Variants in ATP10B observed in about 807,000 individuals in gnomAD.
ATP10B encodes phospholipid-transporting ATPase VB.
In ATP10B, 122 loss-of-function variants were observed where a neutral mutation model predicts 141.2. That is an observed-to-expected ratio of 0.86 (90% CI 0.75 to 1.00). ATP10B has a LOEUF of 1.00. ATP10B is among the 50% of genes least tolerant of loss of function. ATP10B has a pLI of 0.00. For missense variants in ATP10B, 1,876 were observed against 1,825.3 expected, an observed-to-expected ratio of 1.03 and a Z score of -0.51; for synonymous variants, 685 against 692.0, an observed-to-expected ratio of 0.99 and a Z score of 0.16.
chr5:160,880,333 G>A, the ATP10B span, among the ~76,000 whole-genome samples: 2 of 150,770 alleles, frequency 1.3e-5, no homozygotes, highest in Non-Finnish European at 3.0e-5. Flanking sequence ...GATATTTCAT[G>A]GGTAGGAAAA....
chr5:160,827,613 C>CA (rs541893536), intron 1 of ATP10B, among the ~76,000 whole-genome samples: 1 of 151,984 alleles, frequency 6.6e-6, no homozygotes, highest in Non-Finnish European at 1.5e-5. Flanking sequence ...TGGTTTGTTG[C>CA]AATGGCTTTT....
chr5:160,652,914 T>TATATATAATATATTATATATACATGG (rs1491231773), intron 7 of ATP10B, among the ~76,000 whole-genome samples: 3 of 67,430 alleles, frequency 4.4e-5, no homozygotes, highest in Non-Finnish European at 7.1e-5. Context: ...TATATACATG[T>TATATATAATATATTATATATACATGG]ATATATAATA....
the ATP10B span, among the ~76,000 whole-genome samples, chr5:160,864,589 G>GA: frequency 9.3e-4 from 137 of 146,608 alleles, no homozygotes; most frequent in Middle Eastern, 6.9e-3. Flanking sequence ...TCAGACAAGA[G>GA]AAAAAAAAAA....
chr5:160,859,724 C>A, the ATP10B span, among the ~76,000 whole-genome samples: 1 of 151,852 alleles, frequency 6.6e-6, no homozygotes, highest in South Asian at 2.1e-4. Flanking sequence ...GTTTGTATAT[C>A]CAACACTGGT....
chr5:160,649,137 T>C (rs1353270117), intron 8 of ATP10B, 34 bp downstream of exon 8: 4 of 1,442,800 alleles, frequency 2.8e-6, no homozygotes, highest in Non-Finnish European at 3.9e-6. Context: ...GCAGCGGAGA[T>C]ATTTACTAGC....
At chr5:160,655,632 G>C (rs1761440688) in intron 7 of ATP10B, among the ~76,000 whole-genome samples, 1 of 152,122 alleles carries the variant, frequency 6.6e-6, no homozygotes, top group Non-Finnish European at 1.5e-5. Flanking sequence ...AAAAGCCCCA[G>C]GTACAGTCTT....
At chr5:160,571,355 T>C (rs1048026364) in intron 24 of ATP10B, among the ~76,000 whole-genome samples, 7 of 152,214 alleles carry the variant, frequency 4.6e-5, no homozygotes, top group Admixed American at 3.9e-4. Context: ...TTGAAACTTA[T>C]AGTTATTGTA....
At position 160,622,294 on chromosome 5, in the gene ATP10B, T is replaced by C. The variant is rs541199980; in HGVS notation, c.1812+100A>G. 2.3e-5 allele frequency: 29 copies of C among 1,275,376 alleles called. No individual in the cohort carries two copies. In the East Asian group the frequency reaches 7.1e-4, roughly 31 times the overall value. 79.0% of individuals were successfully genotyped at this position (1,275,376 alleles called of 1,614,324 possible). On this transcript the variant is annotated intron_variant, in intron 14 of 25. Coordinates refer to ENST00000327245, the MANE Select transcript of ATP10B (RefSeq NM_025153.3). ...AATGACACTGTTGCTAGGACCCAAA[T>C]TTCATGTCTCCCTGATCAGAACTTC...
At chr5:160,667,234 A>C (rs1194545601) in intron 7 of ATP10B, among the ~76,000 whole-genome samples, 2 of 151,860 alleles carry the variant, frequency 1.3e-5, no homozygotes, top group African/African-American at 4.8e-5. Flanking sequence ...AAAACAAAAA[A>C]CAAAACAAAA....
rs923061185 is a variant in ATP10B, at chr5:160,620,512, G to A, written c.2251C>T (p.Pro751Ser). Residue 751 changes from proline to serine, a missense_variant, in exon 15 of 26, where the codon CCC (proline) becomes TCC (serine). Coordinates refer to ENST00000327245, the MANE Select transcript of ATP10B (RefSeq NM_025153.3). Reference sequence around the variant, plus strand: ...CTGAAGGTGAGGCAGGTGCCCTGGGGCAGGCGCACAGTCACCTGCTCAGGT... The same window carrying A: ...CTGAAGGTGAGGCAGGTGCCCTGGGACAGGCGCACAGTCACCTGCTCAGGT... ...RTPEQVTVRL[P>S]QGTCLTFSLL... The A allele has an allele frequency of 7.4e-6, 12 of 1,614,196 alleles. No homozygotes were observed. In the East Asian group the frequency reaches 1.1e-4, roughly 15 times the overall value.
chr5:160,837,934 C>T (rs1158254725), intron 1 of ATP10B, among the ~76,000 whole-genome samples: 1 of 152,094 alleles, frequency 6.6e-6, no homozygotes, highest in Non-Finnish European at 1.5e-5. Flanking sequence ...GAAGCAAATT[C>T]TTTGACATCA....
chr5:160,678,582 G>A (rs947638482), intron 6 of ATP10B, among the ~76,000 whole-genome samples: 7 of 152,238 alleles, frequency 4.6e-5, no homozygotes, highest in Non-Finnish European at 8.8e-5. Flanking sequence ...TCCCCAGCCC[G>A]GGAGGCAGAG....
intron 1 of ATP10B, among the ~76,000 whole-genome samples, chr5:160,805,190 A>G (rs1019242660): frequency 1.3e-5 from 2 of 152,228 alleles, no homozygotes; most frequent in African/African-American, 4.8e-5. Flanking sequence ...AAGACTATAT[A>G]TCATTGTTTA....
At chr5:160,703,354 T>G (rs1293055598) in intron 3 of ATP10B, among the ~76,000 whole-genome samples, 1 of 152,236 alleles carries the variant, frequency 6.6e-6, no homozygotes, top group African/African-American at 2.4e-5. Flanking sequence ...TGCAATAGCA[T>G]TATGTCTAAA....
intron 2 of ATP10B, among the ~76,000 whole-genome samples, chr5:160,736,800 C>T (rs1190464100): frequency 6.6e-6 from 1 of 152,134 alleles, no homozygotes; most frequent in Admixed American, 6.5e-5. Flanking sequence ...AGCCTGGGAC[C>T]TGATGGCTTC....
intron 7 of ATP10B, among the ~76,000 whole-genome samples, chr5:160,650,606 C>T (rs1435476081): frequency 6.6e-6 from 1 of 152,186 alleles, no homozygotes; most frequent in Non-Finnish European, 1.5e-5. Flanking sequence ...AAAGTAATCA[C>T]CTCAGCACCT....
At chr5:160,810,001 A>T (rs1773040273) in intron 1 of ATP10B, among the ~76,000 whole-genome samples, 1 of 152,194 alleles carries the variant, frequency 6.6e-6, no homozygotes, top group Non-Finnish European at 1.5e-5. Flanking sequence ...AAAGCTTTCA[A>T]AATTGTTGAC....
chr5:160,826,665 A>G (rs1000563770), intron 1 of ATP10B, among the ~76,000 whole-genome samples: 1 of 152,192 alleles, frequency 6.6e-6, no homozygotes, highest in African/African-American at 2.4e-5. Flanking sequence ...CAGAGAGCCT[A>G]TAAATGGACA....
chr5:160,599,375 G>A (rs1032350170), intron 21 of ATP10B, among the ~76,000 whole-genome samples: 1 of 152,148 alleles, frequency 6.6e-6, no homozygotes, highest in South Asian at 2.1e-4. Context: ...TACTATGATG[G>A]TTAAAAGTAC....
Sources: gnomAD v4.1 joint callset for allele counts (sites outside exome capture counted in the v4.1 genomes callset) on GRCh38, gnomAD v4.1.1 for gene constraint, MANE v1.5 for transcripts, NCBI Gene and HGNC (gene_info 2026-07-23, HGNC 2026-07-21) for gene names.